Variants in IPP observed in about 807,000 individuals in gnomAD.
IPP encodes actin-binding protein IPP.
Under a neutral mutation model 64.1 loss-of-function variants are expected in IPP, and 41 were observed. The observed-to-expected ratio is 0.64, with a 90% CI of 0.50 to 0.83. IPP has a LOEUF of 0.83. IPP is among the 40% of genes least tolerant of loss of function. The pLI is 0.00. For synonymous variants in IPP, 214 were observed against 235.2 expected (o/e 0.91, Z 0.83); for missense variants, 649 against 703.0 (o/e 0.92, Z 0.87).
At chr1:45,697,956 T>TA (rs1312752820), downstream of IPP, 112 of 120,568 alleles carry the variant, frequency 9.3e-4, no homozygotes, top group South Asian at 1.3e-3. Flanking sequence ...AGACTCCATC[T>TA]AAAAAAAAAA....
chr1:45,728,565 G>A (rs1307335856), intron 4 of IPP, among the ~76,000 whole-genome samples: 1 of 151,626 alleles, frequency 6.6e-6, no homozygotes, highest in Non-Finnish European at 1.5e-5. Context: ...TACAATCTCT[G>A]CTCACTGCAA....
chr1:45,723,242 G>T (rs28550303), intron 5 of IPP, among the ~76,000 whole-genome samples: 42,865 of 151,928 alleles, frequency 0.28, 6,182 homozygotes, highest in South Asian at 0.37. Context: ...TGGCATAAGG[G>T]ATTTAAAATT....
rs756508457 is a variant in IPP, at chr1:45,746,252, C to T, written c.160G>A (p.Val54Ile). Residue 54 changes from valine (V) to isoleucine (I), a missense_variant, in exon 2 of 9, where the codon GTT (valine) becomes ATT (isoleucine). Val to Ile is a conservative substitution (Grantham distance 29). Coordinates refer to ENST00000396478, the MANE Select transcript of IPP (RefSeq NM_005897.3). Reference sequence around the variant, plus strand: ...AAGTAAGGACTGCTGGCAGCCAAAACCAGCCGATGAGCTTTAAAACTTTCC... The same window carrying T: ...AAGTAAGGACTGCTGGCAGCCAAAATCAGCCGATGAGCTTTAAAACTTTCC... Reference protein sequence around the residue: ...GQESFKAHRLVLAASSPYFAA... With the variant: ...GQESFKAHRLILAASSPYFAA... The T allele has an allele frequency of 8.1e-6, 13 of 1,614,210 alleles. No individual in the cohort carries two copies. Among genetic ancestry groups the T allele is most frequent in the South Asian group, 2.2e-5 (2 of 91,086 alleles).
At chr1:45,724,027 G>C (rs1199484804) in intron 5 of IPP, among the ~76,000 whole-genome samples, 2 of 142,422 alleles carry the variant, frequency 1.4e-5, no homozygotes, top group East Asian at 4.5e-4. Flanking sequence ...TCCCTCTGAT[G>C]CCGAGCCAAA....
chr1:45,714,271 G>A lies in IPP; in HGVS notation c.1505C>T (p.Thr502Ile), dbSNP rs1269331782. Reference sequence around the variant, plus strand: ...CTCTTCAAAGGAATATTTTTCTACAGTATGAAGAGCATCTTGGGTCTCATT... The same window carrying A: ...CTCTTCAAAGGAATATTTTTCTACAATATGAAGAGCATCTTGGGTCTCATT... ...GWNETQDALH[T>I]VEKYSFEEEK... is the part of the protein sequence containing the mutation. The change falls in exon 8 of 9, where the codon ACT becomes ATT. Residue 502 changes from threonine to isoleucine, a missense_variant. Thr to Ile is a moderately conservative substitution (Grantham distance 89). Transcript: ENST00000396478. The A allele has an allele frequency of 6.2e-7, 1 of 1,613,238 alleles. No individual in the cohort carries two copies. The highest frequency in any genetic ancestry group is 8.5e-7 in the Non-Finnish European group (1 of 1,179,204).
intron 1 of IPP, among the ~76,000 whole-genome samples, chr1:45,750,266 T>C (rs1486333754): frequency 6.6e-6 from 1 of 152,150 alleles, no homozygotes; most frequent in African/African-American, 2.4e-5. Flanking sequence ...AAACTGCTGC[T>C]ACACTAAAAG....
chr1:45,727,804 C>G lies in IPP; in HGVS notation c.881-6G>C, dbSNP rs1557752265. 1 of 1,505,874 alleles carries G rather than the reference C, an allele frequency of 6.6e-7. No individual in the cohort carries two copies. The highest frequency in any genetic ancestry group is 1.4e-5 in the South Asian group (1 of 72,636). 93.3% of individuals were successfully genotyped at this position (1,505,874 alleles called of 1,614,324 possible). A position where few individuals can be genotyped will look rare whatever the true frequency, so the allele number is the denominator to read the frequency against. On this transcript the variant is annotated splice_polypyrimidine_tract_variant and splice_region_variant and intron_variant, in intron 4 of 8. Transcript: ENST00000396478. ...CTGCAACCGAGTATATCCACCTAAACAAAAGAAGAAAAGGTAGTAATGAAA... is the reference window on the plus strand; with the variant it reads ...CTGCAACCGAGTATATCCACCTAAAGAAAAGAAGAAAAGGTAGTAATGAAA...
intron 1 of IPP, among the ~76,000 whole-genome samples, chr1:45,747,794 C>T (rs1290550931): frequency 6.9e-6 from 1 of 145,010 alleles, no homozygotes; most frequent in Non-Finnish European, 1.5e-5. Flanking sequence ...CACCACTGCC[C>T]TCCGCTCTCC....
At chr1:45,740,341 A>G (rs1646043264) in intron 3 of IPP, among the ~76,000 whole-genome samples, 2 of 151,846 alleles carry the variant, frequency 1.3e-5, no homozygotes, top group East Asian at 1.9e-4. Flanking sequence ...TGTTGGGTAC[A>G]CCTCCCAGAC....
intron 8 of IPP, among the ~76,000 whole-genome samples, chr1:45,709,033 CAAAAAAAAA>C (rs71058700): frequency 1.7e-5 from 1 of 58,168 alleles, no homozygotes; most frequent in Non-Finnish European, 2.9e-5. Flanking sequence ...GACTCCATCT[CAAAAAAAAA>C]AAAAAAAAAA....
chr1:45,723,116 G>A (rs902148836), intron 5 of IPP, among the ~76,000 whole-genome samples: 4 of 152,156 alleles, frequency 2.6e-5, no homozygotes, highest in Admixed American at 2.6e-4. Context: ...AATTTGGTAT[G>A]TGAATTATAT....
At chr1:45,738,801 C>T (rs1276899171) in intron 3 of IPP, among the ~76,000 whole-genome samples, 1 of 134,702 alleles carries the variant, frequency 7.4e-6, no homozygotes, top group Non-Finnish European at 1.5e-5. Context: ...GATTGTGCCA[C>T]TGCACTCCAG....
intron 5 of IPP, among the ~76,000 whole-genome samples, chr1:45,720,928 G>T (rs1645722905): frequency 6.6e-6 from 1 of 152,126 alleles, no homozygotes; most frequent in Admixed American, 6.6e-5. Flanking sequence ...TTGGAGTAGG[G>T]AAAGATGTCT....
chr1:45,728,294 A>C (rs1324639581), intron 4 of IPP, among the ~76,000 whole-genome samples: 1 of 151,768 alleles, frequency 6.6e-6, no homozygotes, highest in African/African-American at 2.4e-5. Context: ...CTACACATCC[A>C]ATCGGCAAAA....
rs144663569 is a variant in IPP at position 45,719,224 on chromosome 1, A to AACAC, written c.1161_1164dup (p.Tyr389ValfsTer15). 6.2e-7 allele frequency: 1 copy of AACAC among 1,611,784 alleles called. No homozygotes were observed. Among genetic ancestry groups the AACAC allele is most frequent in the Non-Finnish European group, 8.5e-7 (1 of 1,178,320 alleles). ...TTACCCAAAGCATAGATAGCCCCATAACACACACACACTCCTAAGCCGCAG... is the reference window on the plus strand; with the variant it reads ...TTACCCAAAGCATAGATAGCCCCATAACACACACACACACACTCCTAAGCCGCAG... On this transcript the variant is annotated frameshift_variant, in exon 6 of 9. Coordinates refer to ENST00000396478, the MANE Select transcript of IPP (RefSeq NM_005897.3). LOFTEE classifies it high-confidence loss of function.
At chr1:45,744,854 T>G (rs1646114265) in intron 2 of IPP, among the ~76,000 whole-genome samples, 1 of 151,120 alleles carries the variant, frequency 6.6e-6, no homozygotes, top group South Asian at 2.1e-4. Context: ...AAAAAAAAAT[T>G]TTTTTTTAGC....
chr1:45,721,788 G>A (rs560213523), intron 5 of IPP, among the ~76,000 whole-genome samples: 5 of 152,364 alleles, frequency 3.3e-5, no homozygotes, highest in African/African-American at 4.8e-5. Context: ...CCGGCTGGGC[G>A]TGGTGGCTAA....
chr1:45,717,117 T>C, intron 6 of IPP, 100 bp from the exon 7 acceptor site: 1 of 1,109,466 alleles, frequency 9.0e-7, no homozygotes, highest in Non-Finnish European at 1.3e-6. Context: ...ATATTATAGA[T>C]ATCACATGAG....
chr1:45,738,797 GC>G (rs1229553960), intron 3 of IPP, among the ~76,000 whole-genome samples: 1 of 129,798 alleles, frequency 7.7e-6, no homozygotes, highest in Non-Finnish European at 1.5e-5. Flanking sequence ...CCGAGATTGT[GC>G]CACTGCACTC....
Sources: allele counts gnomAD v4.1 joint callset (sites outside exome capture counted in the v4.1 genomes callset), GRCh38; gene constraint gnomAD v4.1.1; transcripts MANE v1.5; gene names NCBI Gene and HGNC (gene_info 2026-07-23, HGNC 2026-07-21).